The following ADAMTSL1 variants were observed in gnomAD, a reference collection of about 807,000 sequenced individuals.
The protein encoded by ADAMTSL1 is ADAMTS like 1.
ADAMTSL1 carries 126 observed loss-of-function variants against 201.8 expected under a neutral mutation model. The observed-to-expected ratio is 0.62, with a 90% CI of 0.54 to 0.72. The LOEUF is 0.72. ADAMTSL1 is among the 30% of genes least tolerant of loss of function. ADAMTSL1 has a pLI of 0.00. For missense variants in ADAMTSL1, 2,679 were observed against 2,277.8 expected (o/e 1.18, Z -3.59); for synonymous variants, 1,121 against 903.4 (o/e 1.24, Z -4.32).
In ADAMTSL1 at chr9:18,796,969, G is replaced by A. The variant is rs561180520; in HGVS notation, c.3805+1445G>A. Among the ~76,000 whole-genome samples, 10 of 152,292 alleles carry A rather than the reference G, an allele frequency of 6.6e-5. No individual in the cohort carries two copies. The South Asian group carries it at 1.9e-3, about 28-fold the overall frequency. On this transcript the variant is annotated intron_variant, in intron 20 of 28. Coordinates refer to ENST00000380548, the MANE Select transcript of ADAMTSL1 (RefSeq NM_001040272.6). ...CCAGATATGGTTCAGCTCTATCACA[G>A]ACTAAATGCCCTTTGTTCACCCGAA...
intron 1 of ADAMTSL1, among the ~76,000 whole-genome samples, chr9:17,984,245 G>A (rs1005161674): frequency 1.3e-5 from 2 of 151,990 alleles, no homozygotes; most frequent in East Asian, 1.9e-4. Context: ...ACAAAAAGAT[G>A]TAAGGAATGA....
At chr9:18,616,018 C>T (rs1191466560) in intron 4 of ADAMTSL1, among the ~76,000 whole-genome samples, 4 of 151,988 alleles carry the variant, frequency 2.6e-5, no homozygotes, top group Non-Finnish European at 5.9e-5. Context: ...TTTGTTTTGG[C>T]TTCTTAAAAA....
intron 4 of ADAMTSL1, among the ~76,000 whole-genome samples, chr9:18,584,382 A>C (rs770118746): frequency 2.0e-5 from 3 of 151,830 alleles, no homozygotes; most frequent in South Asian, 2.1e-4. Flanking sequence ...CCCCAGCCAC[A>C]TGGAACTGTA....
chr9:18,269,543 C>T (rs1384259363), intron 2 of ADAMTSL1, among the ~76,000 whole-genome samples: 2 of 152,116 alleles, frequency 1.3e-5, no homozygotes, highest in Non-Finnish European at 2.9e-5. Context: ...GATGTGGTCT[C>T]ATTATTAATA....
At chr9:18,017,030 CTT>C (rs1345991387) in intron 1 of ADAMTSL1, among the ~76,000 whole-genome samples, 1 of 152,090 alleles carries the variant, frequency 6.6e-6, no homozygotes, top group African/African-American at 2.4e-5. Context: ...TTTCCCTTCT[CTT>C]TTTCTAGCTG....
chr9:17,933,268 C>G (rs1230482976), intron 1 of ADAMTSL1, among the ~76,000 whole-genome samples: 3 of 152,166 alleles, frequency 2.0e-5, no homozygotes, highest in Admixed American at 2.0e-4. Flanking sequence ...CCACTCTCTG[C>G]TTCTGCCTTT....
chr9:18,644,571 T>C (rs1000327158), intron 7 of ADAMTSL1, among the ~76,000 whole-genome samples: 3 of 150,384 alleles, frequency 2.0e-5, no homozygotes, highest in Non-Finnish European at 4.4e-5. Flanking sequence ...CAGAGTGTGA[T>C]GTTCCCCTTC....
At chr9:18,841,666 C>G (rs1225593312) in intron 23 of ADAMTSL1, among the ~76,000 whole-genome samples, 1 of 152,176 alleles carries the variant, frequency 6.6e-6, no homozygotes, top group Non-Finnish European at 1.5e-5. Flanking sequence ...CCATCTGATC[C>G]TGGACTGTTT....
intron 3 of ADAMTSL1, 135 bp from the exon 4 acceptor site, chr9:18,573,895 T>TTA (rs1293812083): frequency 4.5e-6 from 3 of 670,130 alleles, no homozygotes; most frequent in Non-Finnish European, 7.8e-6. Context: ...TAAGATGATA[T>TTA]TATAAGTTCC....
chr9:18,848,345 G>A (rs925723460), intron 23 of ADAMTSL1, among the ~76,000 whole-genome samples: 4 of 152,216 alleles, frequency 2.6e-5, no homozygotes, highest in African/African-American at 9.7e-5. Flanking sequence ...TACAACCCAT[G>A]TATAATAGAA....
intron 2 of ADAMTSL1, among the ~76,000 whole-genome samples, chr9:18,303,984 C>T (rs1833805702): frequency 6.6e-6 from 1 of 152,072 alleles, no homozygotes; most frequent in African/African-American, 2.4e-5. Flanking sequence ...AGCTCTCCAC[C>T]CGTTCCGACA....
intron 23 of ADAMTSL1, among the ~76,000 whole-genome samples, chr9:18,887,175 G>T (rs911238889): frequency 6.6e-6 from 1 of 152,152 alleles, no homozygotes; most frequent in Admixed American, 6.5e-5. Context: ...TTATCTTACC[G>T]ATTCTATGCT....
chr9:18,163,691 C>T (rs931396236), intron 1 of ADAMTSL1, among the ~76,000 whole-genome samples: 1 of 152,122 alleles, frequency 6.6e-6, no homozygotes, highest in Admixed American at 6.6e-5. Flanking sequence ...GGAGGAGCCA[C>T]ATGCCAGAAT....
chr9:18,721,753 G>T, intron 15 of ADAMTSL1, 88 bp downstream of exon 15: 1 of 1,489,618 alleles, frequency 6.7e-7, no homozygotes, highest in East Asian at 2.4e-5. Context: ...ACACTTATTT[G>T]TTACTCAGTG....
chr9:17,988,673 T>C (rs1819022196), intron 1 of ADAMTSL1, among the ~76,000 whole-genome samples: 1 of 151,956 alleles, frequency 6.6e-6, no homozygotes, highest in African/African-American at 2.4e-5. Flanking sequence ...GTAAGGTCTG[T>C]TAATGATTTA....
At chr9:18,497,799 A>G (rs549330895) in intron 1 of ADAMTSL1, among the ~76,000 whole-genome samples, 57 of 152,320 alleles carry the variant, frequency 3.7e-4, no homozygotes, top group Middle Eastern at 3.4e-3. Flanking sequence ...GCTTTCCAAA[A>G]TGCCCAGAGG....
intron 9 of ADAMTSL1, among the ~76,000 whole-genome samples, chr9:18,665,853 A>C (rs1224065002): frequency 6.6e-6 from 1 of 152,174 alleles, no homozygotes. Context: ...CTGATTCTAA[A>C]TGCTAACTTA....
At chr9:18,333,231 C>T (rs975814619) in intron 2 of ADAMTSL1, among the ~76,000 whole-genome samples, 10 of 152,108 alleles carry the variant, frequency 6.6e-5, no homozygotes, top group Non-Finnish European at 1.0e-4. Context: ...GAATGGCAAT[C>T]CCCATAATTT....
In ADAMTSL1 at chr9:18,674,213, CACACACACAA is replaced by C. The variant is rs1023435241; in HGVS notation, c.1086-1634_1086-1625del. On this transcript the variant is annotated intron_variant, in intron 9 of 28. Coordinates refer to ENST00000380548, the MANE Select transcript of ADAMTSL1 (RefSeq NM_001040272.6). ...ACACACACAGGCACACACACACACA[CACACACACAA>C]ACACACACATCATGAAAATTTTCTC... 5.5e-5 allele frequency among the ~76,000 whole-genome samples: 8 copies of C among 144,922 alleles called. No homozygotes were observed. The South Asian group carries it at 9.0e-4, about 16-fold the overall frequency.
Sources: gnomAD v4.1 joint callset for allele counts (sites outside exome capture counted in the v4.1 genomes callset) on GRCh38, gnomAD v4.1.1 for gene constraint, MANE v1.5 for transcripts, NCBI Gene and HGNC (gene_info 2026-07-23, HGNC 2026-07-21) for gene names.